Variants in CREBBP observed in about 807,000 individuals in gnomAD.
The protein encoded by CREBBP is CREB binding lysine acetyltransferase, also known as CREB-binding protein.
Under a neutral mutation model 265.0 loss-of-function variants are expected in CREBBP, and 19 were observed. That is an observed-to-expected ratio of 0.07 (90% CI 0.05 to 0.11). The LOEUF is 0.11. Among genes scored for constraint, CREBBP ranks in the 10% least tolerant of loss-of-function variants. The probability of loss-of-function intolerance (pLI) is 1.00; values close to 1 mark genes in which losing one functional copy is unlikely to be tolerated. For synonymous variants in CREBBP, 1,457 were observed against 1,223.7 expected, an observed-to-expected ratio of 1.19 and a Z score of -3.98; for missense variants, 2,525 against 3,219.0, an observed-to-expected ratio of 0.78 and a Z score of 5.22.
At chr16:3,788,882 G>A (rs1403576753) in intron 5 of CREBBP, among the ~76,000 whole-genome samples, 1 of 152,184 alleles carries the variant, frequency 6.6e-6, no homozygotes, top group African/African-American at 2.4e-5. Context: ...AGCCCGAGAG[G>A]TTGAGGCTGC....
intron 1 of CREBBP, among the ~76,000 whole-genome samples, chr16:3,852,783 G>A (rs1217835779): frequency 5.3e-5 from 8 of 151,990 alleles, no homozygotes; most frequent in African/African-American, 1.5e-4. Flanking sequence ...GAAACAAATG[G>A]GAACTAAAAC....
At chr16:3,842,757 G>A (rs2054588406) in intron 2 of CREBBP, among the ~76,000 whole-genome samples, 1 of 151,902 alleles carries the variant, frequency 6.6e-6, no homozygotes, top group Non-Finnish European at 1.5e-5. Context: ...CTGAGGTCAG[G>A]AGTTCAAAAC....
chr16:3,870,414 T>C (rs1379288614), intron 1 of CREBBP, among the ~76,000 whole-genome samples: 1 of 152,242 alleles, frequency 6.6e-6, no homozygotes, highest in African/African-American at 2.4e-5. Flanking sequence ...TTATAATTTC[T>C]CTGCATTTAC....
At position 3,728,319 on chromosome 16, in the gene CREBBP, G is replaced by A. The variant is rs190153828; in HGVS notation, c.6728C>T (p.Ala2243Val). Reference protein sequence around the residue: ...QPQGPGGYPPAMQQQQRMQQH... With the variant: ...QPQGPGGYPPVMQQQQRMQQH... ...CTGCATGCGCTGCTGCTGCTGCATG[G>A]CCGGTGGGTAGCCTCCGGGTCCTTG... Residue 2243 changes from alanine to valine, a missense_variant, in exon 31 of 31, where the codon GCC (alanine) becomes GTC (valine). This residue lies in a region of CREBBP where 473 missense variants were observed against 459.3 expected (regional missense o/e 1.03). Coordinates refer to ENST00000262367, the MANE Select transcript of CREBBP (RefSeq NM_004380.3). The surrounding 1 kb of genome is among the most constrained non-coding windows in gnomAD (Gnocchi z 8.7). 36 of 1,612,410 alleles carry A rather than the reference G, an allele frequency of 2.2e-5. No individual in the cohort carries two copies. The highest frequency in any genetic ancestry group is 6.7e-5 in the Admixed American group (4 of 59,958).
At chr16:3,803,330 C>A (rs575265683) in intron 3 of CREBBP, among the ~76,000 whole-genome samples, 8 of 127,014 alleles carry the variant, frequency 6.3e-5, no homozygotes, top group African/African-American at 2.3e-4. Flanking sequence ...CATGCCGAAA[C>A]CCTGTCTCCA....
chr16:3,816,550 A>C (rs983566281), intron 2 of CREBBP, among the ~76,000 whole-genome samples: 2 of 152,180 alleles, frequency 1.3e-5, no homozygotes, highest in African/African-American at 2.4e-5. Context: ...CATCCATTAA[A>C]TCCTGTGGCT....
intron 16 of CREBBP, among the ~76,000 whole-genome samples, chr16:3,765,242 C>T (rs1001654455): frequency 3.9e-5 from 6 of 152,206 alleles, no homozygotes; most frequent in Non-Finnish European, 8.8e-5. Context: ...TCCGAAAGTG[C>T]GGGGATTACA....
chr16:3,780,865 C>T lies in CREBBP; in HGVS notation c.1690G>A (p.Asp564Asn), dbSNP rs1437165367. Residue 564 changes from aspartate (D) to asparagine (N), a missense_variant, in exon 8 of 31, where the codon GAT (aspartate) becomes AAT (asparagine). Physicochemically the swap from Asp to Asn is conservative, Grantham distance 23. Around this residue, in one of 19 missense-constraint regions of CREBBP, gnomAD observed 144 missense variants for 134.0 expected, o/e 1.07. Transcript: ENST00000262367. Reference sequence around the variant, plus strand: ...CCAATGTTACCAGAGTTGGAGCCATCGTTCATCAGTGGGCTAAGGAGGAAA... The same window carrying T: ...CCAATGTTACCAGAGTTGGAGCCATTGTTCATCAGTGGGCTAAGGAGGAAA... ...SLGATNPLMN[D>N]GSNSGNIGTL... The T allele has an allele frequency of 5.6e-6, 9 of 1,613,462 alleles. No individual in the cohort carries two copies. The highest frequency in any genetic ancestry group is 7.6e-6 in the Non-Finnish European group (9 of 1,180,018).
At chr16:3,782,613 G>T in intron 6 of CREBBP, 71 bp downstream of exon 6, 1 of 1,566,964 alleles carries the variant, frequency 6.4e-7, no homozygotes, top group South Asian at 1.2e-5. Context: ...AAACTGCCTT[G>T]GGTTCCATCA....
intron 2 of CREBBP, among the ~76,000 whole-genome samples, chr16:3,834,097 T>C (rs2054395764): frequency 6.6e-6 from 1 of 152,120 alleles, no homozygotes; most frequent in Admixed American, 6.6e-5. Flanking sequence ...AACAGCCAAA[T>C]CCAGAACACT....
intron 3 of CREBBP, among the ~76,000 whole-genome samples, chr16:3,797,940 G>C (rs1204489073): frequency 6.6e-6 from 1 of 152,178 alleles, no homozygotes. Flanking sequence ...GATCTTTTAT[G>C]CAAATGCTCT....
Position 3,725,292 on chromosome 16 carries a change from C to G in CREBBP, c.*2426G>C, listed in dbSNP as rs1252516780. On this transcript the variant is annotated 3_prime_UTR_variant, in exon 31 of 31. Transcript: ENST00000262367. Reference sequence around the variant, plus strand: ...ATCTGGATTGCCCAAGACGGTTGCACAGGATGCAGACTCCAAAGAGGATGA... The same window carrying G: ...ATCTGGATTGCCCAAGACGGTTGCAGAGGATGCAGACTCCAAAGAGGATGA... 8.6e-6 allele frequency: 2 copies of G among 233,214 alleles called. No individual in the cohort carries two copies. The highest frequency in any genetic ancestry group is 1.8e-4 in the South Asian group (1 of 5,534). The allele number at this position is 233,214 out of a possible 1,614,324, so 14.4% of individuals were successfully genotyped here. A position where few individuals can be genotyped will look rare whatever the true frequency, so the allele number is the denominator to read the frequency against.
At chr16:3,823,171 T>C (rs1284894947) in intron 2 of CREBBP, among the ~76,000 whole-genome samples, 1 of 152,190 alleles carries the variant, frequency 6.6e-6, no homozygotes, top group Non-Finnish European at 1.5e-5. Context: ...CTTAATACTT[T>C]CTATTATGAC....
At chr16:3,848,965 G>A (rs1216528223) in intron 2 of CREBBP, among the ~76,000 whole-genome samples, 5 of 152,060 alleles carry the variant, frequency 3.3e-5, no homozygotes, top group Non-Finnish European at 7.4e-5. Flanking sequence ...TCTCGTTTCC[G>A]ACATTCACAG....
At chr16:3,777,562 T>G (rs749983244) in intron 11 of CREBBP, 51 bp downstream of exon 11, 25 of 1,569,444 alleles carry the variant, frequency 1.6e-5, no homozygotes, top group Non-Finnish European at 1.2e-5. Context: ...GTGAAAGTTA[T>G]GGCTGTTGAA....
intron 8 of CREBBP, among the ~76,000 whole-genome samples, chr16:3,780,500 C>T (rs1319213880): frequency 3.9e-5 from 6 of 152,136 alleles, no homozygotes; most frequent in Non-Finnish European, 8.8e-5. Flanking sequence ...AAGTCAGTGC[C>T]CCTCGGCAGT....
intron 4 of CREBBP, among the ~76,000 whole-genome samples, 176 bp downstream of exon 4, chr16:3,793,210 C>T (rs2053540714): frequency 6.6e-6 from 1 of 152,218 alleles, no homozygotes; most frequent in African/African-American, 2.4e-5. Context: ...GATAAGACTT[C>T]CTGGAGCACC....
chr16:3,834,321 T>G (rs2054400155), intron 2 of CREBBP, among the ~76,000 whole-genome samples: 1 of 152,222 alleles, frequency 6.6e-6, no homozygotes, highest in African/African-American at 2.4e-5. Flanking sequence ...TATGGCAGCT[T>G]TATTCATAAT....
At chr16:3,755,902 A>AG (rs1173877775) in intron 19 of CREBBP, among the ~76,000 whole-genome samples, 1 of 152,212 alleles carries the variant, frequency 6.6e-6, no homozygotes, top group African/African-American at 2.4e-5. Flanking sequence ...ATTAGGAATA[A>AG]GCAGGCCAGG....
Sources: gnomAD v4.1 joint callset for allele counts (sites outside exome capture counted in the v4.1 genomes callset) on GRCh38, gnomAD v4.1.1 for gene constraint, gnomAD v4.1.1 regional missense constraint, Gnocchi (gnomAD v3.1) non-coding constraint, MANE v1.5 for transcripts, NCBI Gene and HGNC (gene_info 2026-07-23, HGNC 2026-07-21) for gene names.